EGFR: variants seen among roughly 807,000 people sequenced by gnomAD.
The protein encoded by EGFR is epidermal growth factor receptor.
Under a neutral mutation model 143.0 loss-of-function variants are expected in EGFR, and 58 were observed. That is an observed-to-expected ratio of 0.41 (90% CI 0.33 to 0.50). The LOEUF (loss-of-function observed/expected upper bound fraction) is 0.50. Ranked by LOEUF, EGFR falls within the 20% of genes least tolerant of loss-of-function variation. The probability of loss-of-function intolerance (pLI) is 0.39; values close to 1 mark genes in which losing one functional copy is unlikely to be tolerated. For missense variants in EGFR, 1,307 were observed against 1,579.0 expected (o/e 0.83, Z 2.92); for synonymous variants, 613 against 594.4 (o/e 1.03, Z -0.45).
chr7:55,141,451 T>C (rs1019083076), intron 1 of EGFR, among the ~76,000 whole-genome samples: 10 of 152,266 alleles, frequency 6.6e-5, no homozygotes, highest in African/African-American at 1.9e-4. Flanking sequence ...GCATACAAGA[T>C]TGTATGCTGG....
chr7:55,122,930 G>A (rs903781468), intron 1 of EGFR, among the ~76,000 whole-genome samples: 1 of 152,222 alleles, frequency 6.6e-6, no homozygotes, highest in Admixed American at 6.5e-5. Context: ...CTTGTATTCA[G>A]TATATAGCTG....
intron 1 of EGFR, among the ~76,000 whole-genome samples, chr7:55,100,293 C>G (rs1313001457): frequency 6.6e-6 from 1 of 152,234 alleles, no homozygotes; most frequent in Non-Finnish European, 1.5e-5. Context: ...ACAAAGGCCT[C>G]CTTGGGGACA....
intron 1 of EGFR, among the ~76,000 whole-genome samples, chr7:55,046,593 A>G (rs1270040276): frequency 4.6e-5 from 7 of 152,148 alleles, no homozygotes; most frequent in Non-Finnish European, 1.0e-4. Context: ...CTTGGAAAAA[A>G]AAAAAAAAAA....
Position 55,142,585 on chromosome 7 carries a change from G to A in EGFR, c.240+148G>A, listed in dbSNP as rs1301765873. The stretch of plus-strand genomic sequence containing the variant: ...CTACAAACGAGAGTTTTATGAGAAA[G>A]CCATTTTACCAGCTAATGTCAAGTA... On this transcript the variant is annotated intron_variant, in intron 2 of 27. Transcript: ENST00000275493. 11 of 991,612 alleles carry A rather than the reference G, an allele frequency of 1.1e-5. 1 individual carries two copies. In the South Asian group the frequency reaches 1.4e-4, roughly 13 times the overall value. 61.4% of individuals were successfully genotyped at this position (991,612 alleles called of 1,614,324 possible).
At chr7:55,194,674 G>A (rs1053307719) in intron 22 of EGFR, among the ~76,000 whole-genome samples, 1 of 152,180 alleles carries the variant, frequency 6.6e-6, no homozygotes, top group Non-Finnish European at 1.5e-5. Flanking sequence ...TAGCCTGTGT[G>A]TGCCAGCGCA....
At chr7:55,019,939 C>A (rs1239257030) in intron 1 of EGFR, among the ~76,000 whole-genome samples, 1 of 152,208 alleles carries the variant, frequency 6.6e-6, no homozygotes, top group Non-Finnish European at 1.5e-5. Flanking sequence ...GCCCTCCGCG[C>A]AGGTCTCAAA....
intron 7 of EGFR, among the ~76,000 whole-genome samples, chr7:55,154,515 T>G (rs1397744565): frequency 1.3e-5 from 2 of 152,244 alleles, no homozygotes; most frequent in Non-Finnish European, 2.9e-5. Context: ...CATGCCACTG[T>G]TTAGTGCTTG....
chr7:55,056,942 A>G (rs1788860980), intron 1 of EGFR, among the ~76,000 whole-genome samples: 1 of 152,236 alleles, frequency 6.6e-6, no homozygotes, highest in African/African-American at 2.4e-5. Context: ...TCAGGGGCCC[A>G]CAGGGAGCTG....
At chr7:55,099,537 T>G (rs1022827118) in intron 1 of EGFR, among the ~76,000 whole-genome samples, 5 of 152,168 alleles carry the variant, frequency 3.3e-5, no homozygotes, top group African/African-American at 4.8e-5. Context: ...ATTCGGGAGC[T>G]GGTTGGAAAA....
intron 1 of EGFR, among the ~76,000 whole-genome samples, chr7:55,115,194 A>G (rs1792762020): frequency 6.6e-6 from 1 of 152,190 alleles, no homozygotes; most frequent in African/African-American, 2.4e-5. Flanking sequence ...TATGGCTTCA[A>G]AAAATACCAT....
chr7:55,180,042 T>A (rs1786789217), intron 19 of EGFR: 2 of 152,432 alleles, frequency 1.3e-5, no homozygotes, highest in Admixed American at 1.3e-4. Flanking sequence ...GTCTCCTGTC[T>A]CCTATCTCCA....
chr7:55,068,722 G>A (rs1321262208), intron 1 of EGFR, among the ~76,000 whole-genome samples: 1 of 152,184 alleles, frequency 6.6e-6, no homozygotes, highest in African/African-American at 2.4e-5. Flanking sequence ...TGACCGGGAG[G>A]CAATAGTCTG....
chr7:55,019,397 C>T (rs972411543), intron 1 of EGFR, 32 bp downstream of exon 1: 49 of 1,348,822 alleles, frequency 3.6e-5, no homozygotes, highest in African/African-American at 6.1e-5. Context: ...TCCCGCGCCG[C>T]CCCCGGATCG....
chr7:55,020,129 T>C (rs1363558928), intron 1 of EGFR, among the ~76,000 whole-genome samples: 1 of 152,194 alleles, frequency 6.6e-6, no homozygotes, highest in Non-Finnish European at 1.5e-5. Context: ...AAAAGGCAGG[T>C]GGGGTCCGAC....
At position 55,061,649 on chromosome 7, in the gene EGFR, T is replaced by TGTGTGAGAGAGA. The variant is rs1432070752; in HGVS notation, c.88+42285_88+42286insTGTGAGAGAGAG. On this transcript the variant is annotated intron_variant, in intron 1 of 27. Transcript: ENST00000275493. ...GTGTGTGTGTGTGTGTGTGTGTGTG[T>TGTGTGAGAGAGA]GAGAGAGAGAGAGAGAGAGAGAGAC... Among the ~76,000 whole-genome samples, 690 of 132,766 alleles carry TGTGTGAGAGAGA rather than the reference T, an allele frequency of 5.2e-3. 4 individuals are homozygous for TGTGTGAGAGAGA. The highest frequency in any genetic ancestry group is 7.9e-3 in the Non-Finnish European group (498 of 62,692). 87.1% of individuals were successfully genotyped at this position (132,766 alleles called of 152,430 possible). A position where few individuals can be genotyped will look rare whatever the true frequency, so the allele number is the denominator to read the frequency against.
Position 55,143,385 on chromosome 7 carries a change from C to A in EGFR, c.321C>A (p.Ile107=), listed in dbSNP as rs2128927340. ...ERIPLENLQI[I]RGNMYYENSY... ...TTCCTTTGGAAAACCTGCAGATCATCAGAGGAAATATGTACTACGAAAATT... is the reference window on the plus strand; with the variant it reads ...TTCCTTTGGAAAACCTGCAGATCATAAGAGGAAATATGTACTACGAAAATT... Residue 107 remains isoleucine (I), a synonymous_variant, in exon 3 of 28, where the codon ATC becomes ATA. Transcript: ENST00000275493. 1 of 1,614,160 alleles carries A rather than the reference C, an allele frequency of 6.2e-7. No homozygotes were observed. The highest frequency in any genetic ancestry group is 8.5e-7 in the Non-Finnish European group (1 of 1,180,040).
At chr7:55,083,257 T>C (rs1391669834) in intron 1 of EGFR, among the ~76,000 whole-genome samples, 1 of 152,264 alleles carries the variant, frequency 6.6e-6, no homozygotes, top group Non-Finnish European at 1.5e-5. Context: ...GCATTAACCA[T>C]GGCAATGTCA....
chr7:55,110,511 C>T (rs550658058), intron 1 of EGFR, among the ~76,000 whole-genome samples: 7 of 152,288 alleles, frequency 4.6e-5, no homozygotes, highest in East Asian at 3.9e-4. Context: ...GCACTGACCC[C>T]GATGATTTAT....
chr7:55,181,094 T>C lies in EGFR; in HGVS notation c.2284-199T>C, dbSNP rs10241326. 372,447 of 666,234 alleles carry C rather than the reference T, an allele frequency of 0.56. 108,392 individuals carry two copies. Among genetic ancestry groups the C allele is most frequent in the Middle Eastern group, 0.66 (1,569 of 2,382 alleles). 41.3% of individuals were successfully genotyped at this position (666,234 alleles called of 1,614,324 possible). A position where few individuals can be genotyped will look rare whatever the true frequency, so the allele number is the denominator to read the frequency against. ...CCCCAGATGCACCCAGGAGGGGCCC[T>C]CTCCCACTGCATCTGTCACTTCACA... On this transcript the variant is annotated intron_variant, in intron 19 of 27. Coordinates refer to ENST00000275493, the MANE Select transcript of EGFR (RefSeq NM_005228.5).
Sources: gnomAD v4.1 joint callset for allele counts (sites outside exome capture counted in the v4.1 genomes callset) on GRCh38, gnomAD v4.1.1 for gene constraint, MANE v1.5 for transcripts, NCBI Gene and HGNC (gene_info 2026-07-23, HGNC 2026-07-21) for gene names.